SEMA6D: variants seen among roughly 807,000 people sequenced by gnomAD.
SEMA6D encodes semaphorin-6D.
Under a neutral mutation model 106.6 loss-of-function variants are expected in SEMA6D, and 35 were observed. The ratio of observed to expected loss-of-function variants is 0.33; its 90% CI spans 0.25 to 0.44. The LOEUF is 0.44. SEMA6D is among the 20% of genes least tolerant of loss of function. SEMA6D has a pLI of 1.00. For missense variants in SEMA6D, 1,185 were observed against 1,345.9 expected (o/e 0.88, Z 1.87); for synonymous variants, 499 against 487.7 (o/e 1.02, Z -0.31).
intron 1 of SEMA6D, among the ~76,000 whole-genome samples, chr15:47,372,519 T>G (rs1433142917): frequency 6.6e-6 from 1 of 152,198 alleles, no homozygotes; most frequent in Non-Finnish European, 1.5e-5. Flanking sequence ...GAGCTCCCTA[T>G]TTAGCTCACC....
intron 4 of SEMA6D, among the ~76,000 whole-genome samples, chr15:47,677,497 C>T (rs2078269956): frequency 6.6e-6 from 1 of 152,144 alleles, no homozygotes; most frequent in East Asian, 1.9e-4. Flanking sequence ...GCCTCCATCT[C>T]TTAATGGAAG....
At chr15:47,761,094 T>A (rs1199434127) in intron 4 of SEMA6D, 56 bp downstream of exon 4, 103 of 1,611,530 alleles carry the variant, frequency 6.4e-5, no homozygotes, top group Non-Finnish European at 8.6e-5. Flanking sequence ...TGATTAATTT[T>A]CCCACTGCCT....
intron 1 of SEMA6D, among the ~76,000 whole-genome samples, chr15:47,367,247 C>G (rs867923123): frequency 1.3e-5 from 2 of 152,226 alleles, no homozygotes; most frequent in East Asian, 1.9e-4. Flanking sequence ...CTCCTTCCCC[C>G]CCTTCTTCAA....
intron 3 of SEMA6D, among the ~76,000 whole-genome samples, chr15:47,556,659 C>A (rs1293979001): frequency 6.6e-6 from 1 of 152,048 alleles, no homozygotes; most frequent in Non-Finnish European, 1.5e-5. Context: ...AAACACAGAA[C>A]TAAATGAGAA....
At chr15:47,702,954 A>G (rs1374959491) in intron 4 of SEMA6D, among the ~76,000 whole-genome samples, 1 of 152,190 alleles carries the variant, frequency 6.6e-6, no homozygotes, top group East Asian at 1.9e-4. Flanking sequence ...TTATGCATTC[A>G]TCCAAACTCC....
Position 47,771,013 on chromosome 15 carries a change from C to A in SEMA6D, c.2450C>A (p.Ser817Tyr). Residue 817 changes from serine to tyrosine, a missense_variant, in exon 19 of 19, where the codon TCC (serine) becomes TAC (tyrosine). Coordinates refer to ENST00000536845, the MANE Select transcript of SEMA6D (RefSeq NM_001358351.3). The stretch of plus-strand genomic sequence containing the variant: ...TTTCCGTCTAGTCCGCCACCTCATT[C>A]CCCATTAAGTCATGGGCATATCCCC... ...QFFPSSPPPH[S>Y]PLSHGHIPSA... The A allele has an allele frequency of 6.2e-7, 1 of 1,614,116 alleles. No homozygotes were observed.
intron 2 of SEMA6D, among the ~76,000 whole-genome samples, chr15:47,440,312 C>T (rs1331321453): frequency 1.9e-5 from 1 of 51,408 alleles, no homozygotes; most frequent in African/African-American, 2.3e-4. Context: ...TAAAGCCAAA[C>T]AAAATGACAG....
chr15:47,468,975 C>T (rs780883633), intron 2 of SEMA6D, among the ~76,000 whole-genome samples: 2 of 152,150 alleles, frequency 1.3e-5, no homozygotes, highest in Non-Finnish European at 2.9e-5. Flanking sequence ...TCATTGGCCC[C>T]TGAACTCTTG....
chr15:47,761,665 G>A lies in SEMA6D; in HGVS notation c.452G>A (p.Ser151Asn). The A allele has an allele frequency of 6.2e-7, 1 of 1,611,168 alleles. No individual in the cohort carries two copies. The highest frequency in any genetic ancestry group is 8.5e-7 in the Non-Finnish European group (1 of 1,178,542). ...FNPMCRYYRLSTLEYDGEEIS... is the reference protein window; with the variant it reads ...FNPMCRYYRLNTLEYDGEEIS... ...CTATTTACTTTTCTTTTGTAGTTGA[G>A]TACCTTAGAATATGATGGGGAAGAA... The change falls in exon 7 of 19, where the codon AGT becomes AAT. Residue 151 changes from serine (S) to asparagine (N), a missense_variant. Ser to Asn is a conservative substitution (Grantham distance 46). Coordinates refer to ENST00000536845, the MANE Select transcript of SEMA6D (RefSeq NM_001358351.3).
chr15:47,764,119 ACCAAGACAGGCTTCATGT>A, intron 10 of SEMA6D, 37 bp from the exon 11 acceptor site: 1 of 1,612,886 alleles, frequency 6.2e-7, no homozygotes, highest in East Asian at 2.2e-5. Context: ...GCCTGTCAGA[ACCAAGACAGGCTTCATGT>A]CGCCAGCCTC....
chr15:47,286,007 C>T (rs940986309), intron 1 of SEMA6D, among the ~76,000 whole-genome samples: 1 of 152,184 alleles, frequency 6.6e-6, no homozygotes, highest in African/African-American at 2.4e-5. Flanking sequence ...CCAAGCTAGG[C>T]TTATGCGCCA....
At chr15:47,574,884 T>C (rs551676671) in intron 3 of SEMA6D, among the ~76,000 whole-genome samples, 1 of 152,322 alleles carries the variant, frequency 6.6e-6, no homozygotes, top group Non-Finnish European at 1.5e-5. Flanking sequence ...TTTTGTTTGG[T>C]CTTATTTGGG....
chr15:47,481,920 C>T (rs1312103980), intron 3 of SEMA6D, among the ~76,000 whole-genome samples: 1 of 152,134 alleles, frequency 6.6e-6, no homozygotes, highest in African/African-American at 2.4e-5. Context: ...TACAGAAAGC[C>T]TCCTGGAAGT....
chr15:47,387,991 A>G (rs889615762), intron 1 of SEMA6D, among the ~76,000 whole-genome samples: 4 of 152,216 alleles, frequency 2.6e-5, no homozygotes, highest in Non-Finnish European at 5.9e-5. Flanking sequence ...ATTATTGTCT[A>G]AAAACTATAT....
At chr15:47,672,760 C>CT (rs1284080455) in intron 4 of SEMA6D, among the ~76,000 whole-genome samples, 1 of 151,968 alleles carries the variant, frequency 6.6e-6, no homozygotes, top group Non-Finnish European at 1.5e-5. Context: ...TTGAGGTGTT[C>CT]TTTTTTATTT....
At chr15:47,379,916 C>CCTGG (rs140176526) in intron 1 of SEMA6D, among the ~76,000 whole-genome samples, 6,659 of 152,070 alleles carry the variant, frequency 0.044, 217 homozygotes, top group South Asian at 0.13. Context: ...CCCCACCACG[C>CCTGG]CTGGCTAATT....
At chr15:47,706,331 C>T (rs1021206400) in intron 4 of SEMA6D, among the ~76,000 whole-genome samples, 1 of 152,240 alleles carries the variant, frequency 6.6e-6, no homozygotes, top group Non-Finnish European at 1.5e-5. Context: ...TTTATTCCTG[C>T]ATTTCATTTT....
intron 1 of SEMA6D, among the ~76,000 whole-genome samples, chr15:47,228,028 TA>T (rs1397093903): frequency 1.5e-4 from 21 of 142,502 alleles, no homozygotes; most frequent in Admixed American, 1.1e-3. Flanking sequence ...ATATATTTTT[TA>T]TATATATAAG....
intron 1 of SEMA6D, among the ~76,000 whole-genome samples, chr15:47,337,977 A>T (rs1322960682): frequency 6.6e-6 from 1 of 152,188 alleles, no homozygotes; most frequent in Non-Finnish European, 1.5e-5. Context: ...CCTTTACCCC[A>T]TCTAGAAAAA....
Sources: allele counts gnomAD v4.1 joint callset (sites outside exome capture counted in the v4.1 genomes callset), GRCh38; gene constraint gnomAD v4.1.1; transcripts MANE v1.5; gene names NCBI Gene and HGNC (gene_info 2026-07-23, HGNC 2026-07-21).